Variants in FAM135B observed in about 807,000 individuals in gnomAD.
FAM135B encodes family with sequence similarity 135 member B.
Under a neutral mutation model 127.7 loss-of-function variants are expected in FAM135B, and 43 were observed. The observed-to-expected ratio is 0.34, with a 90% CI of 0.26 to 0.43. FAM135B has a LOEUF of 0.43. FAM135B is among the 20% of genes least tolerant of loss of function. The pLI is 1.00. For missense variants in FAM135B, 1,558 were observed against 1,725.6 expected (o/e 0.90, Z 1.72); for synonymous variants, 670 against 665.1 (o/e 1.01, Z -0.11).
intron 2 of FAM135B, among the ~76,000 whole-genome samples, chr8:138,346,019 G>C (rs1829385303): frequency 6.6e-6 from 1 of 152,174 alleles, no homozygotes; most frequent in South Asian, 2.1e-4. Flanking sequence ...CTTCTCAAAA[G>C]AAGACATTCA....
At chr8:138,250,753 G>C in intron 6 of FAM135B, 88 bp downstream of exon 6, 1 of 1,440,660 alleles carries the variant, frequency 6.9e-7, no homozygotes, top group Non-Finnish European at 9.6e-7. Context: ...TGCGTGTGCT[G>C]ATCTCTCCTG....
chr8:138,481,005 T>C (rs1348058281), intron 1 of FAM135B, among the ~76,000 whole-genome samples: 4 of 152,208 alleles, frequency 2.6e-5, no homozygotes, highest in Non-Finnish European at 4.4e-5. Flanking sequence ...TTTGAACACA[T>C]TGTTTAGAAG....
At chr8:138,236,171 T>C (rs912567585) in intron 7 of FAM135B, among the ~76,000 whole-genome samples, 13 of 152,164 alleles carry the variant, frequency 8.5e-5, no homozygotes, top group African/African-American at 2.7e-4. Context: ...CGTGGCCATA[T>C]GTCACGTGCC....
chr8:138,492,581 C>T (rs1026627623), intron 1 of FAM135B, among the ~76,000 whole-genome samples: 2 of 152,134 alleles, frequency 1.3e-5, no homozygotes, highest in Non-Finnish European at 1.5e-5. Flanking sequence ...AACTCTCAAA[C>T]GTGTAACCCT....
chr8:138,483,695 C>T (rs1814877008), intron 1 of FAM135B, among the ~76,000 whole-genome samples: 1 of 152,106 alleles, frequency 6.6e-6, no homozygotes. Flanking sequence ...AATCAGGACC[C>T]CAAAAATACT....
intron 1 of FAM135B, among the ~76,000 whole-genome samples, chr8:138,443,581 C>G (rs111510125): frequency 6.6e-6 from 1 of 152,138 alleles, no homozygotes; most frequent in African/African-American, 2.4e-5. Context: ...AATTGTCATT[C>G]ATCAAATTAA....
At chr8:138,203,149 G>A (rs1031522138) in intron 7 of FAM135B, among the ~76,000 whole-genome samples, 2 of 152,074 alleles carry the variant, frequency 1.3e-5, no homozygotes, top group African/African-American at 2.4e-5. Flanking sequence ...ACATAGCTTA[G>A]CTTGTTATCA....
intron 1 of FAM135B, among the ~76,000 whole-genome samples, chr8:138,392,010 T>C (rs1032924447): frequency 5.9e-5 from 9 of 152,192 alleles, no homozygotes; most frequent in African/African-American, 2.2e-4. Context: ...GATGAGCACC[T>C]AGCTCATGAG....
At chr8:138,430,012 T>C (rs919978016) in intron 1 of FAM135B, among the ~76,000 whole-genome samples, 1 of 152,194 alleles carries the variant, frequency 6.6e-6, no homozygotes, top group African/African-American at 2.4e-5. Flanking sequence ...GCCGAGTTTC[T>C]TTAATAGCAT....
intron 7 of FAM135B, among the ~76,000 whole-genome samples, chr8:138,226,808 C>T (rs1479258629): frequency 6.6e-6 from 1 of 151,538 alleles, no homozygotes. Flanking sequence ...GTGATCTGCC[C>T]ACCTCAGCCT....
intron 3 of FAM135B, among the ~76,000 whole-genome samples, chr8:138,297,684 T>G (rs1825571730): frequency 6.6e-6 from 1 of 151,870 alleles, no homozygotes; most frequent in Admixed American, 6.6e-5. Flanking sequence ...AGAAGGAGGA[T>G]AGTGAGGATG....
At chr8:138,207,742 C>A (rs1412426291) in intron 7 of FAM135B, among the ~76,000 whole-genome samples, 1 of 152,170 alleles carries the variant, frequency 6.6e-6, no homozygotes, top group Non-Finnish European at 1.5e-5. Flanking sequence ...TGGCCTTTCT[C>A]TGCCCATTTA....
chr8:138,186,291 C>T (rs1274103664), intron 9 of FAM135B, among the ~76,000 whole-genome samples: 1 of 152,296 alleles, frequency 6.6e-6, no homozygotes, highest in Admixed American at 6.5e-5. Flanking sequence ...TTTGTATAAC[C>T]AATGAATAGT....
intron 1 of FAM135B, among the ~76,000 whole-genome samples, chr8:138,373,738 G>GC (rs1269566799): frequency 8.6e-5 from 13 of 151,998 alleles, no homozygotes; most frequent in African/African-American, 2.9e-4. Context: ...CTCTAAAATG[G>GC]CCCCCTTGGG....
chr8:138,374,983 T>TAAC (rs58875296), intron 1 of FAM135B, among the ~76,000 whole-genome samples: 9,184 of 150,346 alleles, frequency 0.061, 317 homozygotes, highest in East Asian at 0.17. Context: ...CTGGGAAAAT[T>TAAC]AACAACAACA....
chr8:138,258,030 A>AT (rs146755883), intron 4 of FAM135B, among the ~76,000 whole-genome samples: 70 of 152,274 alleles, frequency 4.6e-4, no homozygotes, highest in African/African-American at 1.5e-3. Flanking sequence ...ACTGACACGC[A>AT]TTTGGCCTGC....
rs143520624 is a variant in FAM135B at position 138,236,745 on chromosome 8, G to A, written c.669+6197C>T. On this transcript the variant is annotated intron_variant, in intron 7 of 19. Coordinates refer to ENST00000395297, the MANE Select transcript of FAM135B (RefSeq NM_015912.4). ...AAGTAGATGTTCAAAAATGTGATTCGAAATGATCAATAACATGCTTTTCAC... is the reference window on the plus strand; with the variant it reads ...AAGTAGATGTTCAAAAATGTGATTCAAAATGATCAATAACATGCTTTTCAC... 3.9e-5 allele frequency among the ~76,000 whole-genome samples: 6 copies of A among 152,312 alleles called. No homozygotes were observed. The East Asian group carries it at 9.6e-4, about 24-fold the overall frequency.
intron 7 of FAM135B, among the ~76,000 whole-genome samples, chr8:138,231,783 G>C (rs1819925870): frequency 6.6e-6 from 1 of 152,110 alleles, no homozygotes. Context: ...GTGTGAGGAG[G>C]CATATTAAAA....
At chr8:138,196,460 C>T (rs1056267587) in intron 8 of FAM135B, among the ~76,000 whole-genome samples, 2 of 152,124 alleles carry the variant, frequency 1.3e-5, no homozygotes, top group Non-Finnish European at 2.9e-5. Flanking sequence ...CTCTACATAC[C>T]GGAGAGAGTG....
Sources: gnomAD v4.1 joint callset for allele counts (sites outside exome capture counted in the v4.1 genomes callset) on GRCh38, gnomAD v4.1.1 for gene constraint, MANE v1.5 for transcripts, NCBI Gene and HGNC (gene_info 2026-07-23, HGNC 2026-07-21) for gene names.